PCCB: variants seen among roughly 807,000 people sequenced by gnomAD.
The protein encoded by PCCB is propionyl-CoA carboxylase beta chain, mitochondrial.
In PCCB, 43 loss-of-function variants were observed where a neutral mutation model predicts 60.7. The ratio of observed to expected loss-of-function variants is 0.71; its 90% CI spans 0.55 to 0.91. The LOEUF is 0.91. Among genes scored for constraint, PCCB ranks in the 40% least tolerant of loss-of-function variants. PCCB has a pLI of 0.00. For synonymous variants in PCCB, 276 were observed against 255.9 expected, an observed-to-expected ratio of 1.08 and a Z score of -0.75; for missense variants, 766 against 702.8, an observed-to-expected ratio of 1.09 and a Z score of -1.02.
chr3:136,290,953 A>G (rs2108193019), intron 6 of PCCB, among the ~76,000 whole-genome samples: 1 of 151,776 alleles, frequency 6.6e-6, no homozygotes, highest in South Asian at 2.1e-4. Flanking sequence ...AGATATCCTC[A>G]AGCTCAGAGA....
chr3:136,299,299 T>C (rs34031772), intron 8 of PCCB, among the ~76,000 whole-genome samples: 29,880 of 151,964 alleles, frequency 0.2, 3,254 homozygotes, highest in Non-Finnish European at 0.24. Flanking sequence ...CGTATATGCA[T>C]ATATATGTAT....
At chr3:136,301,908 C>T (rs1463996590) in intron 9 of PCCB, among the ~76,000 whole-genome samples, 3 of 152,084 alleles carry the variant, frequency 2.0e-5, no homozygotes, top group Admixed American at 6.5e-5. Flanking sequence ...CCTGCATATG[C>T]AGTTGTTTTT....
chr3:136,271,070 C>A (rs1942185077), intron 5 of PCCB, among the ~76,000 whole-genome samples: 1 of 152,130 alleles, frequency 6.6e-6, no homozygotes, highest in African/African-American at 2.4e-5. Context: ...TTCTCCAGCT[C>A]TGTGAGTTGG....
chr3:136,290,304 A>G (rs1470964365), intron 6 of PCCB, among the ~76,000 whole-genome samples: 1 of 152,172 alleles, frequency 6.6e-6, no homozygotes, highest in Non-Finnish European at 1.5e-5. Context: ...ACAGAATTCT[A>G]GGTTGGTAGG....
chr3:136,304,562 T>A (rs1934394152), intron 9 of PCCB, among the ~76,000 whole-genome samples: 1 of 119,052 alleles, frequency 8.4e-6, no homozygotes. Context: ...TGTTTTTGTA[T>A]TTTTAGTAGA....
At chr3:136,260,589 T>C in intron 4 of PCCB, 54 bp downstream of exon 4, 14 of 1,402,778 alleles carry the variant, frequency 1.0e-5, no homozygotes, top group Non-Finnish European at 1.4e-5. Context: ...TACATAGTGC[T>C]TATTGAGTAT....
Position 136,329,932 on chromosome 3 carries a change from C to T in PCCB, c.1526C>T (p.Ser509Phe), listed in dbSNP as rs986000902. The change falls in exon 15 of 15, where the codon TCT becomes TTT. Residue 509 changes from serine (S) to phenylalanine (F), a missense_variant. Physicochemically the swap from Ser to Phe is radical, Grantham distance 155. Transcript: ENST00000251654. Reference protein sequence around the residue: ...RGFVDDIIQPSSTRARICCDL... With the variant: ...RGFVDDIIQPFSTRARICCDL... ...TTTGTGGATGACATCATCCAACCTT[C>T]TTCCACACGTGCCCGAATCTGCTGT... is the stretch of plus-strand genomic sequence containing the variant. 3 of 1,614,204 alleles carry T rather than the reference C, an allele frequency of 1.9e-6. No individual in the cohort carries two copies. Among genetic ancestry groups the T allele is most frequent in the African/African-American group, 1.3e-5 (1 of 75,064 alleles).
At chr3:136,290,828 T>G in intron 6 of PCCB, among the ~76,000 whole-genome samples, 1 of 151,976 alleles carries the variant, frequency 6.6e-6, no homozygotes, top group East Asian at 1.9e-4. Context: ...ATTCTCATTA[T>G]GTATATGTTA....
At chr3:136,302,469 AT>A (rs1934326398) in intron 9 of PCCB, among the ~76,000 whole-genome samples, 1 of 121,386 alleles carries the variant, frequency 8.2e-6, no homozygotes, top group African/African-American at 2.5e-5. Context: ...GATTCTCATT[AT>A]AAAGTTTTAT....
rs763888168 is a variant in PCCB, at chr3:136,326,979, ATCT to A, written c.1198+74_1198+76del. The A allele has an allele frequency of 1.8e-5, 21 of 1,182,684 alleles. No homozygotes were observed. The South Asian group carries it at 1.8e-4, about 10-fold the overall frequency. 73.3% of individuals were successfully genotyped at this position (1,182,684 alleles called of 1,614,324 possible). Reference sequence around the variant, plus strand: ...AGTAAGGTGCCCACTTTATTTGGAGATCTTCTTGCAGAACTCCCCGAGGACTTG... The same window carrying A: ...AGTAAGGTGCCCACTTTATTTGGAGATCTTGCAGAACTCCCCGAGGACTTG... On this transcript the variant is annotated intron_variant, in intron 11 of 14. Transcript: ENST00000251654.
chr3:136,327,354 C>T (rs1454320380), intron 12 of PCCB, 99 bp downstream of exon 12: 4 of 877,326 alleles, frequency 4.6e-6, no homozygotes, highest in East Asian at 5.0e-5. Context: ...GGAAGGAGTA[C>T]ACCTTGCTCA....
intron 5 of PCCB, among the ~76,000 whole-genome samples, chr3:136,269,550 T>A (rs1942130370): frequency 6.6e-6 from 1 of 152,158 alleles, no homozygotes; most frequent in Non-Finnish European, 1.5e-5. Flanking sequence ...CTAATTGCTC[T>A]GCTTAGAACC....
intron 5 of PCCB, among the ~76,000 whole-genome samples, chr3:136,279,531 T>C (rs1025039309): frequency 6.6e-6 from 1 of 152,178 alleles, no homozygotes; most frequent in African/African-American, 2.4e-5. Flanking sequence ...GCTTTAGTAG[T>C]ACATAGACAT....
intron 1 of PCCB, among the ~76,000 whole-genome samples, chr3:136,254,004 C>G (rs1941596751): frequency 6.6e-6 from 1 of 151,950 alleles, no homozygotes; most frequent in Non-Finnish European, 1.5e-5. Flanking sequence ...TTCCTAAAAA[C>G]TTATTCTACT....
rs1941841303 is a variant in PCCB at position 136,262,008 on chromosome 3, G to T, written c.486G>T (p.Gly162=). Residue 162 remains glycine, a synonymous_variant, in exon 5 of 15, where the codon GGG becomes GGT. Transcript: ENST00000251654. ...CAGTGATTGGGCTGAATGACTCTGG[G>T]GGAGCACGGATCCAAGAAGGAGTGG... ...GAPVIGLNDS[G]GARIQEGVES... is the part of the protein sequence containing the mutation. 1.9e-6 allele frequency: 3 copies of T among 1,562,174 alleles called. No homozygotes were observed. The African/African-American group carries it at 4.1e-5, about 21-fold the overall frequency.
At chr3:136,254,052 GTTA>G (rs896679614) in intron 1 of PCCB, among the ~76,000 whole-genome samples, 2 of 151,934 alleles carry the variant, frequency 1.3e-5, no homozygotes, top group African/African-American at 4.8e-5. Context: ...ATTTTTGTTT[GTTA>G]TTTTAAACAC....
chr3:136,327,061 C>T (rs780850274), intron 11 of PCCB, 94 bp from the exon 12 acceptor site: 7 of 1,251,300 alleles, frequency 5.6e-6, no homozygotes, highest in African/African-American at 1.5e-5. Flanking sequence ...TAAGGAATGG[C>T]CCTCTCCAGA....
rs748941498 is a variant in PCCB at position 136,298,044 on chromosome 3, G to A, written c.856G>A (p.Ala286Thr). 1.2e-6 allele frequency: 2 copies of A among 1,613,998 alleles called. No homozygotes were observed. Among genetic ancestry groups the A allele is most frequent in the East Asian group, 2.2e-5 (1 of 44,886 alleles). ...CCTGCCCCTGAGCAGTCAGGACCCG[G>A]CTCCCGTCCGTGAGTGCCACGATCC... Reference protein sequence around the residue: ...NYLPLSSQDPAPVRECHDPSD... With the variant: ...NYLPLSSQDPTPVRECHDPSD... The change falls in exon 8 of 15, where the codon GCT becomes ACT. Residue 286 changes from alanine to threonine, a missense_variant. Physicochemically the swap from Ala to Thr is moderately conservative, Grantham distance 58. Coordinates refer to ENST00000251654, the MANE Select transcript of PCCB (RefSeq NM_000532.5).
At chr3:136,309,081 G>A (rs1484697754) in intron 9 of PCCB, among the ~76,000 whole-genome samples, 5 of 151,590 alleles carry the variant, frequency 3.3e-5, no homozygotes, top group African/African-American at 9.7e-5. Context: ...TGGGCAACAC[G>A]GTGAAACCCC....
Sources: gnomAD v4.1 joint callset for allele counts (sites outside exome capture counted in the v4.1 genomes callset) on GRCh38, gnomAD v4.1.1 for gene constraint, MANE v1.5 for transcripts, NCBI Gene and HGNC (gene_info 2026-07-23, HGNC 2026-07-21) for gene names.